MSI2: variants seen among roughly 807,000 people sequenced by gnomAD.
The protein encoded by MSI2 is musashi RNA binding protein 2.
In MSI2, 17 loss-of-function variants were observed where a neutral mutation model predicts 45.6. That is an observed-to-expected ratio of 0.37 (90% CI 0.26 to 0.56). MSI2 has a LOEUF of 0.56. MSI2 is among the 20% of genes least tolerant of loss of function. The pLI is 0.77. For missense variants in MSI2, 293 were observed against 444.2 expected, an observed-to-expected ratio of 0.66 and a Z score of 3.06; for synonymous variants, 156 against 158.2, an observed-to-expected ratio of 0.99 and a Z score of 0.11.
intron 5 of MSI2, among the ~76,000 whole-genome samples, chr17:57,371,295 C>T (rs2083416587): frequency 6.6e-6 from 1 of 152,060 alleles, no homozygotes; most frequent in Non-Finnish European, 1.5e-5. Flanking sequence ...TTTTTAACTC[C>T]AACTTAGACG....
At position 57,261,771 on chromosome 17, in the gene MSI2, C is replaced by T. The variant is rs1907328814; in HGVS notation, c.271-380C>T. Among the ~76,000 whole-genome samples, 4 of 152,030 alleles carry T rather than the reference C, an allele frequency of 2.6e-5. No individual in the cohort carries two copies. The South Asian group carries it at 8.3e-4, about 31-fold the overall frequency. On this transcript the variant is annotated intron_variant, in intron 4 of 13. Transcript: ENST00000284073. ...TAATTTTCAGGTTATGATTTTTTTC[C>T]CAATGATAATGATGCTCCCATCTTT...
chr17:57,298,040 A>ATT (rs368609264), intron 5 of MSI2, among the ~76,000 whole-genome samples: 16 of 143,916 alleles, frequency 1.1e-4, no homozygotes, highest in African/African-American at 3.3e-4. Flanking sequence ...GTTAATGCTG[A>ATT]TTTTTTTTTT....
At position 57,682,762 on chromosome 17, in the gene MSI2, G is replaced by T. The variant is rs754994029; in HGVS notation, c.*3245G>T. ...CCCTGGGGGAGAAACCCTCTTGGCT[G>T]ATGGCTTTTCCCCGGAATTATCAAA... On this transcript the variant is annotated 3_prime_UTR_variant, in exon 14 of 14. Coordinates refer to ENST00000284073, the MANE Select transcript of MSI2 (RefSeq NM_138962.4). 1.4e-4 allele frequency: 32 copies of T among 222,656 alleles called. No homozygotes were observed. Among genetic ancestry groups the T allele is most frequent in the Non-Finnish European group, 2.1e-4 (23 of 111,532 alleles). 13.8% of individuals were successfully genotyped at this position (222,656 alleles called of 1,614,324 possible).
chr17:57,511,435 T>A (rs954043615), intron 6 of MSI2, among the ~76,000 whole-genome samples: 14 of 152,178 alleles, frequency 9.2e-5, no homozygotes, highest in African/African-American at 3.4e-4. Context: ...TTCATTAAGC[T>A]GGAATAGTCA....
chr17:57,480,575 GA>G (rs1217313375), intron 6 of MSI2, among the ~76,000 whole-genome samples: 11 of 152,306 alleles, frequency 7.2e-5, no homozygotes, highest in Admixed American at 5.2e-4. Flanking sequence ...AGAATTTCAA[GA>G]TTGGATCATG....
intron 5 of MSI2, among the ~76,000 whole-genome samples, chr17:57,399,478 A>G (rs991341858): frequency 2.6e-5 from 4 of 152,046 alleles, no homozygotes; most frequent in African/African-American, 9.7e-5. Context: ...GGGAGCTACT[A>G]AGCTAAACAA....
At chr17:57,380,151 C>T (rs2083574461) in intron 5 of MSI2, among the ~76,000 whole-genome samples, 1 of 152,114 alleles carries the variant, frequency 6.6e-6, no homozygotes, top group African/African-American at 2.4e-5. Context: ...CTCCCCTCTT[C>T]CCGCTCTTAT....
chr17:57,338,199 C>G (rs554090839), intron 5 of MSI2, among the ~76,000 whole-genome samples: 214 of 152,192 alleles, frequency 1.4e-3, no homozygotes, highest in African/African-American at 4.9e-3. Flanking sequence ...AGGAAATCCT[C>G]CTCCTCAGCC....
intron 6 of MSI2, among the ~76,000 whole-genome samples, chr17:57,434,610 A>G (rs768124461): frequency 1.3e-5 from 2 of 151,718 alleles, no homozygotes; most frequent in Non-Finnish European, 2.9e-5. Flanking sequence ...CTCTGTTTCT[A>G]TGAGTTAGAC....
chr17:57,478,105 G>A (rs1378198660), intron 6 of MSI2, among the ~76,000 whole-genome samples: 3 of 152,112 alleles, frequency 2.0e-5, no homozygotes, highest in Admixed American at 6.6e-5. Flanking sequence ...CTCCTCACGT[G>A]CTCTGTAGTC....
At chr17:57,422,297 TA>T (rs2084410075) in intron 6 of MSI2, among the ~76,000 whole-genome samples, 2 of 152,106 alleles carry the variant, frequency 1.3e-5, no homozygotes, top group Non-Finnish European at 2.9e-5. Flanking sequence ...CCATCTCTAC[TA>T]AAAATACAAA....
intron 6 of MSI2, among the ~76,000 whole-genome samples, chr17:57,486,298 C>T (rs2085754210): frequency 6.6e-6 from 1 of 152,214 alleles, no homozygotes; most frequent in South Asian, 2.1e-4. Context: ...CTCTCCTAGC[C>T]TTGTGGAATT....
chr17:57,445,803 G>A (rs181177973), intron 6 of MSI2, among the ~76,000 whole-genome samples: 19 of 152,204 alleles, frequency 1.2e-4, no homozygotes, highest in African/African-American at 2.2e-4. Context: ...AGTGTGCCCC[G>A]TTCTATGTGC....
chr17:57,408,831 A>G (rs1277621054), intron 6 of MSI2, among the ~76,000 whole-genome samples: 1 of 152,214 alleles, frequency 6.6e-6, no homozygotes, highest in South Asian at 2.1e-4. Flanking sequence ...TAGACTTGGC[A>G]TTGAAATCGA....
chr17:57,637,532 T>G (rs1483405448), intron 10 of MSI2, among the ~76,000 whole-genome samples: 2 of 152,216 alleles, frequency 1.3e-5, no homozygotes, highest in Non-Finnish European at 1.5e-5. Context: ...AACGGAAATG[T>G]GACTAAGTGA....
At chr17:57,563,573 G>T (rs1373545517) in intron 7 of MSI2, among the ~76,000 whole-genome samples, 1 of 152,096 alleles carries the variant, frequency 6.6e-6, no homozygotes, top group Non-Finnish European at 1.5e-5. Flanking sequence ...CCAAAATAGT[G>T]AATGACATTG....
rs1297070741 is a variant in MSI2 at position 57,370,473 on chromosome 17, A to G, written c.313-30906A>G. Among the ~76,000 whole-genome samples, 2 of 152,172 alleles carry G rather than the reference A, an allele frequency of 1.3e-5. 1 individual carries two copies. The highest frequency in any genetic ancestry group is 3.8e-4 in the East Asian group (2 of 5,200). ...GTGTTTGACCCAAGGCTGCTGTCCC[A>G]TCTGTGGCCTCTGTTGCTCTCTCAT... is the stretch of plus-strand genomic sequence containing the variant. On this transcript the variant is annotated intron_variant, in intron 5 of 13. Transcript: ENST00000284073.
At chr17:57,312,934 C>A (rs1488449710) in intron 5 of MSI2, among the ~76,000 whole-genome samples, 1 of 152,142 alleles carries the variant, frequency 6.6e-6, no homozygotes, top group Non-Finnish European at 1.5e-5. Flanking sequence ...GCAGCCTCAG[C>A]CTCCTGGGTT....
chr17:57,575,145 A>ACG (rs1426395316), intron 7 of MSI2, among the ~76,000 whole-genome samples: 1 of 102,860 alleles, frequency 9.7e-6, no homozygotes, highest in African/African-American at 4.5e-5. Context: ...CTCTTTTTTA[A>ACG]CTCCCTCCCC....
Sources: allele counts gnomAD v4.1 joint callset (sites outside exome capture counted in the v4.1 genomes callset), GRCh38; gene constraint gnomAD v4.1.1; transcripts MANE v1.5; gene names NCBI Gene and HGNC (gene_info 2026-07-23, HGNC 2026-07-21).